Variants in TAF6 observed in about 807,000 individuals in gnomAD.
TAF6 encodes transcription initiation factor TFIID subunit 6.
TAF6 carries 50 observed loss-of-function variants against 73.5 expected under a neutral mutation model. That is an observed-to-expected ratio of 0.68 (90% CI 0.54 to 0.86). The LOEUF (loss-of-function observed/expected upper bound fraction) is 0.86. Ranked by LOEUF, TAF6 falls within the 40% of genes least tolerant of loss-of-function variation. The probability of loss-of-function intolerance (pLI) is 0.00; values close to 1 mark genes in which losing one functional copy is unlikely to be tolerated. For missense variants in TAF6, 768 were observed against 899.5 expected, an observed-to-expected ratio of 0.85 and a Z score of 1.87; for synonymous variants, 424 against 376.7, an observed-to-expected ratio of 1.13 and a Z score of -1.45.
chr7:100,109,983 G>A lies in TAF6; in HGVS notation c.1249C>T (p.Arg417Trp), dbSNP rs1199666999. ...CTCTGCACATGGTCTGCTCCAATCC[G>A]GTCAATGTTGCTCAGCACAGGGCCG... ...LDGPVLSNID[R>W]IGADHVQSLL... is the part of the protein sequence containing the mutation. The change falls in exon 12 of 15, where the codon CGG becomes TGG. Residue 417 changes from arginine (R) to tryptophan (W), a missense_variant. Coordinates refer to ENST00000453269, the MANE Select transcript of TAF6 (RefSeq NM_139315.3). 4 of 1,614,102 alleles carry A rather than the reference G, an allele frequency of 2.5e-6. No individual in the cohort carries two copies. Among genetic ancestry groups the A allele is most frequent in the Non-Finnish European group, 3.4e-6 (4 of 1,180,024 alleles).
At chr7:100,118,871 G>A in intron 1 of TAF6, 1 of 985,174 alleles carries the variant, frequency 1.0e-6, no homozygotes, top group Non-Finnish European at 1.2e-6. Context: ...ACAACTATTC[G>A]AGACATACTC....
chr7:100,114,777 G>A (rs1016351666), intron 1 of TAF6, among the ~76,000 whole-genome samples: 1 of 151,630 alleles, frequency 6.6e-6, no homozygotes, highest in East Asian at 2.0e-4. Flanking sequence ...CACTCTGGGA[G>A]CCCAAGGTAG....
rs184993593 is a variant in TAF6 at position 100,111,042 on chromosome 7, G to C, written c.1083+97C>G. The C allele has an allele frequency of 7.0e-5, 99 of 1,411,408 alleles. No individual in the cohort carries two copies. In the African/African-American group the frequency reaches 1.3e-3, roughly 18 times the overall value. The allele number at this position is 1,411,408 out of a possible 1,614,324, so 87.4% of individuals were successfully genotyped here. On this transcript the variant is annotated intron_variant, in intron 10 of 14. Transcript: ENST00000453269. ...GACCCTTAGACCCCCACAAGTTCCA[G>C]TCCCTCTTCCCTCTGCCCCCTTGTT...
rs578243530 is a variant in TAF6, at chr7:100,107,465, C to T, written c.1815G>A (p.Lys605=). 28 of 1,613,794 alleles carry T rather than the reference C, an allele frequency of 1.7e-5. No homozygotes were observed. The highest frequency in any genetic ancestry group is 1.7e-5 in the Admixed American group (1 of 59,968). Residue 605 remains lysine (K), a synonymous_variant, in exon 15 of 15, where the codon AAG becomes AAA. Transcript: ENST00000453269. ...TTGGGGGAAGTGAGACCACGATGTA[C>T]TTCTGGACACTCCCAGGACCAGAGG... ...TAPSGPGSVQ[K]YIVVSLPPTG...
intron 1 of TAF6, among the ~76,000 whole-genome samples, chr7:100,116,238 C>A (rs1385500629): frequency 6.6e-6 from 1 of 152,056 alleles, no homozygotes; most frequent in Non-Finnish European, 1.5e-5. Flanking sequence ...TTATAATGGG[C>A]AGGTGCAGTG....
At chr7:100,107,808 C>A in intron 14 of TAF6, 118 bp downstream of exon 14, 14 of 1,412,106 alleles carry the variant, frequency 9.9e-6, no homozygotes, top group Non-Finnish European at 1.3e-5. Context: ...TGGTGGGCGC[C>A]TCTTCCAGCT....
At chr7:100,124,384 C>T, upstream of TAF6, 1 of 678,520 alleles carries the variant, frequency 1.5e-6, no homozygotes, top group East Asian at 2.5e-5. Context: ...GATTGCACAT[C>T]TAGTAGGCCA....
At chr7:100,125,058 T>G in the TAF6 span, 10 of 697,792 alleles carry the variant, frequency 1.4e-5, no homozygotes, top group African/African-American at 5.4e-5. Context: ...CAGCATGACA[T>G]GGCTTCTGGG....
chr7:100,124,350 G>C (rs1441024483), upstream of TAF6: 3 of 594,896 alleles, frequency 5.0e-6, no homozygotes, highest in East Asian at 5.4e-5. Context: ...ATAGGTGCTG[G>C]TAAATGTTTG....
chr7:100,114,005 C>T (rs987403950), intron 2 of TAF6, 49 bp downstream of exon 2: 4 of 1,613,982 alleles, frequency 2.5e-6, no homozygotes, highest in Non-Finnish European at 3.4e-6. Flanking sequence ...AGGACGGGGC[C>T]CTGGGTGACA....
chr7:100,119,694 C>G, upstream of TAF6: 2 of 1,613,866 alleles, frequency 1.2e-6, no homozygotes, highest in Non-Finnish European at 1.7e-6. Flanking sequence ...ACCCACACTA[C>G]CTTCCCGAAG....
At chr7:100,119,759 G>A (rs1453007072), upstream of TAF6, 1 of 1,614,098 alleles carries the variant, frequency 6.2e-7, no homozygotes, top group African/African-American at 1.3e-5. Flanking sequence ...GACCTGTGCG[G>A]TTGGGAATAT....
chr7:100,124,196 T>C (rs1798154978), upstream of TAF6, among the ~76,000 whole-genome samples: 2 of 151,604 alleles, frequency 1.3e-5, 1 homozygote, highest in South Asian at 4.2e-4. Flanking sequence ...ATTGAGCACC[T>C]ACTGTGTCCC....
rs200465178 is a variant in TAF6, at chr7:100,112,150, C to T, written c.678G>A (p.Glu226=). ...AGGAGCCCACGCAGGCCTCGGTGAT[C>T]TCCTTGTAGTAGAGCTGCTGCTCCA... The part of the protein sequence containing the change: ...LSVEQQLYYK[E]ITEACVGSCE... The change falls in exon 7 of 15, where the codon GAG becomes GAA. Residue 226 remains glutamate (E), a synonymous_variant. Coordinates refer to ENST00000453269, the MANE Select transcript of TAF6 (RefSeq NM_139315.3). The T allele has an allele frequency of 6.2e-7, 1 of 1,614,024 alleles. No individual in the cohort carries two copies. The highest frequency in any genetic ancestry group is 2.2e-5 in the East Asian group (1 of 44,880).
chr7:100,120,033 C>T, upstream of TAF6: 1 of 538,876 alleles, frequency 1.9e-6, no homozygotes, highest in Non-Finnish European at 3.2e-6. Flanking sequence ...ACGTGTAGTG[C>T]CACCTCAAAC....
At chr7:100,108,603 G>A (rs1183505831) in intron 12 of TAF6, 63 bp from the exon 13 acceptor site, 1 of 1,521,554 alleles carries the variant, frequency 6.6e-7, no homozygotes, top group East Asian at 2.3e-5. Flanking sequence ...GTAGAGGGAG[G>A]GCTGGTGACA....
chr7:100,109,527 C>T (rs1445431789), intron 12 of TAF6, among the ~76,000 whole-genome samples: 1 of 151,930 alleles, frequency 6.6e-6, no homozygotes, highest in Non-Finnish European at 1.5e-5. Context: ...GCGGTGGTCT[C>T]CCTCTGTAAC....
At chr7:100,122,915 A>G, upstream of TAF6, 1 of 1,610,518 alleles carries the variant, frequency 6.2e-7, no homozygotes, top group South Asian at 1.1e-5. Context: ...AGGTAGGATA[A>G]GACACTGCAC....
intron 12 of TAF6, 115 bp downstream of exon 12, chr7:100,109,833 A>G (rs1405086980): frequency 6.1e-5 from 90 of 1,469,618 alleles, no homozygotes; most frequent in Non-Finnish European, 7.9e-5. Flanking sequence ...AGACTCTGCA[A>G]TGTCCTCTGA....
Sources: gnomAD v4.1 joint callset for allele counts (sites outside exome capture counted in the v4.1 genomes callset) on GRCh38, gnomAD v4.1.1 for gene constraint, MANE v1.5 for transcripts, NCBI Gene and HGNC (gene_info 2026-07-23, HGNC 2026-07-21) for gene names.